GRM5: variants seen among roughly 807,000 people sequenced by gnomAD.
GRM5 encodes the protein glutamate metabotropic receptor 5, also known as metabotropic glutamate receptor 5.
GRM5 carries 19 observed loss-of-function variants against 83.1 expected under a neutral mutation model. The ratio of observed to expected loss-of-function variants is 0.23; its 90% confidence interval spans 0.16 to 0.34. The LOEUF (loss-of-function observed/expected upper bound fraction) is 0.34. Ranked by LOEUF, GRM5 falls within the 10% of genes least tolerant of loss-of-function variation. GRM5 has a pLI of 1.00. For missense variants in GRM5, 1,160 were observed against 1,588.3 expected (o/e 0.73, Z 4.58); for synonymous variants, 675 against 633.6 (o/e 1.07, Z -0.98).
intron 3 of GRM5, among the ~76,000 whole-genome samples, chr11:88,833,747 A>G (rs1449402770): frequency 6.6e-6 from 1 of 152,218 alleles, no homozygotes; most frequent in Non-Finnish European, 1.5e-5. Flanking sequence ...ATTGTTAAGA[A>G]ATGTGGTATA....
In GRM5 at chr11:88,668,202, G is replaced by A. The variant is rs1317769787; in HGVS notation, c.912-14799C>T. Among the ~76,000 whole-genome samples the A allele has an allele frequency of 2.6e-5, 3 of 114,466 alleles. No individual in the cohort carries two copies. In the East Asian group the frequency reaches 8.2e-4, roughly 31 times the overall value. 75.1% of individuals were successfully genotyped at this position (114,466 alleles called of 152,430 possible). A position where few individuals can be genotyped will look rare whatever the true frequency, so the allele number is the denominator to read the frequency against. Reference sequence around the variant, plus strand: ...CAGTGGAAGTTTATTTAAAACATCTGCAGAAACTCGCACACACACACACAC... The same window carrying A: ...CAGTGGAAGTTTATTTAAAACATCTACAGAAACTCGCACACACACACACAC... On this transcript the variant is annotated intron_variant, in intron 3 of 9. Transcript: ENST00000305447.
At chr11:89,023,169 G>A (rs1393975300) in intron 2 of GRM5, among the ~76,000 whole-genome samples, 3 of 151,892 alleles carry the variant, frequency 2.0e-5, no homozygotes, top group African/African-American at 4.8e-5. Flanking sequence ...GTGTGTGCGC[G>A]CGCGTGCACA....
intron 3 of GRM5, among the ~76,000 whole-genome samples, chr11:88,659,626 A>G (rs1269284965): frequency 3.9e-5 from 6 of 152,212 alleles, no homozygotes; most frequent in African/African-American, 1.4e-4. Flanking sequence ...TTTATGAAAT[A>G]TAAAGCAGAC....
At chr11:88,802,968 C>T (rs1471694033) in intron 3 of GRM5, among the ~76,000 whole-genome samples, 5 of 146,726 alleles carry the variant, frequency 3.4e-5, no homozygotes, top group Non-Finnish European at 5.9e-5. Flanking sequence ...CCTAGGAATC[C>T]AACTTACAAG....
chr11:88,770,417 A>G (rs902737560), intron 3 of GRM5, among the ~76,000 whole-genome samples: 2 of 152,066 alleles, frequency 1.3e-5, no homozygotes, highest in Non-Finnish European at 2.9e-5. Context: ...TTAATAATAA[A>G]CTCTGTGTAT....
At chr11:88,628,360 G>A (rs1258239832) in intron 4 of GRM5, among the ~76,000 whole-genome samples, 1 of 152,138 alleles carries the variant, frequency 6.6e-6, no homozygotes, top group Non-Finnish European at 1.5e-5. Context: ...TTGCTTAATG[G>A]ATGTAAGAAG....
intron 3 of GRM5, among the ~76,000 whole-genome samples, chr11:88,825,056 A>G (rs116360284): frequency 0.011 from 1,716 of 152,310 alleles, 36 homozygotes; most frequent in African/African-American, 0.039. Context: ...GAAGTTTGCA[A>G]CTAAGTACCC....
chr11:88,911,862 T>C (rs1325881701), intron 2 of GRM5: 4 of 363,234 alleles, frequency 1.1e-5, no homozygotes, highest in African/African-American at 6.5e-5. Flanking sequence ...CACAGTTTTA[T>C]TTGGGAAGAA....
chr11:88,770,257 T>C (rs893552876), intron 3 of GRM5, among the ~76,000 whole-genome samples: 2 of 152,046 alleles, frequency 1.3e-5, no homozygotes, highest in Non-Finnish European at 2.9e-5. Context: ...GTATACTGGA[T>C]GCGACCCCAG....
chr11:88,960,770 G>A (rs1042500413), intron 2 of GRM5, among the ~76,000 whole-genome samples: 1 of 152,036 alleles, frequency 6.6e-6, no homozygotes, highest in Admixed American at 6.6e-5. Flanking sequence ...AAGTAAAGGA[G>A]ACCACTAAAA....
chr11:88,803,473 G>C (rs1471685824), intron 3 of GRM5, among the ~76,000 whole-genome samples: 5 of 151,548 alleles, frequency 3.3e-5, no homozygotes, highest in Non-Finnish European at 7.4e-5. Context: ...TGGGAAAACT[G>C]GCTAGCCATA....
At chr11:88,686,962 C>T (rs1260423095) in intron 3 of GRM5, among the ~76,000 whole-genome samples, 1 of 152,138 alleles carries the variant, frequency 6.6e-6, no homozygotes, top group Non-Finnish European at 1.5e-5. Context: ...CCACAGAGAA[C>T]AGTCACATCT....
chr11:88,517,429 AG>A (rs1941551937), intron 9 of GRM5, among the ~76,000 whole-genome samples: 1 of 152,178 alleles, frequency 6.6e-6, no homozygotes, highest in African/African-American at 2.4e-5. Flanking sequence ...TGGCAAAAAA[AG>A]TTTTAAAAAA....
chr11:89,041,046 C>A (rs1941520527), intron 2 of GRM5, among the ~76,000 whole-genome samples: 1 of 152,186 alleles, frequency 6.6e-6, no homozygotes, highest in Non-Finnish European at 1.5e-5. Flanking sequence ...GCAACTTCAA[C>A]AGAAGTGGCT....
chr11:88,988,439 G>A (rs1939820401), intron 2 of GRM5, among the ~76,000 whole-genome samples: 1 of 151,998 alleles, frequency 6.6e-6, no homozygotes, highest in South Asian at 2.1e-4. Context: ...ACACTCTGCA[G>A]GATATTATCC....
intron 2 of GRM5, among the ~76,000 whole-genome samples, chr11:88,937,313 G>A (rs1176187295): frequency 2.6e-5 from 4 of 151,658 alleles, no homozygotes; most frequent in Non-Finnish European, 5.9e-5. Flanking sequence ...TCTGTATAGA[G>A]TATGAAAAAC....
chr11:89,001,236 T>C (rs1330762302), intron 2 of GRM5, among the ~76,000 whole-genome samples: 1 of 152,030 alleles, frequency 6.6e-6, no homozygotes, highest in African/African-American at 2.4e-5. Context: ...CCTAGAGAAA[T>C]GAAAACTTCT....
At chr11:88,837,649 C>G (rs1312527421) in intron 3 of GRM5, among the ~76,000 whole-genome samples, 2 of 152,162 alleles carry the variant, frequency 1.3e-5, no homozygotes, top group African/African-American at 4.8e-5. Context: ...TGGTTTCATC[C>G]TGGACATAGG....
chr11:88,977,223 AT>A (rs1250247291), intron 2 of GRM5, among the ~76,000 whole-genome samples: 8 of 149,674 alleles, frequency 5.3e-5, no homozygotes, highest in African/African-American at 1.7e-4. Flanking sequence ...ATTTTATTTT[AT>A]TTTTTTGAGA....
Sources: allele counts gnomAD v4.1 joint callset (sites outside exome capture counted in the v4.1 genomes callset), GRCh38; gene constraint gnomAD v4.1.1; transcripts MANE v1.5; gene names NCBI Gene and HGNC (gene_info 2026-07-23, HGNC 2026-07-21).